Variants in HCN1 observed in about 807,000 individuals in gnomAD.
HCN1 encodes the protein hyperpolarization activated cyclic nucleotide gated potassium channel 1.
Under a neutral mutation model 78.9 loss-of-function variants are expected in HCN1, and 13 were observed. The observed-to-expected ratio is 0.16, with a 90% CI of 0.11 to 0.26. The LOEUF is 0.26. Ranked by LOEUF, HCN1 falls within the 10% of genes least tolerant of loss-of-function variation. HCN1 has a pLI of 1.00. For synonymous variants in HCN1, 552 were observed against 455.5 expected, an observed-to-expected ratio of 1.21 and a Z score of -2.70; for missense variants, 810 against 1,154.3, an observed-to-expected ratio of 0.70 and a Z score of 4.32.
chr5:45,277,187 G>A (rs1205888625), intron 6 of HCN1, among the ~76,000 whole-genome samples: 1 of 152,056 alleles, frequency 6.6e-6, no homozygotes, highest in African/African-American at 2.4e-5. Context: ...GGGAAAGATA[G>A]TTAGCCTCTC....
chr5:45,354,738 T>G (rs1015774090), intron 4 of HCN1, among the ~76,000 whole-genome samples: 8 of 152,026 alleles, frequency 5.3e-5, no homozygotes, highest in African/African-American at 1.7e-4. Flanking sequence ...TCAAACTATT[T>G]AAAGCCTGAA....
At chr5:45,519,529 T>G (rs2111775183) in intron 2 of HCN1, among the ~76,000 whole-genome samples, 1 of 152,164 alleles carries the variant, frequency 6.6e-6, no homozygotes, top group African/African-American at 2.4e-5. Context: ...TTTCTCAAAA[T>G]GACAAGCAGT....
At chr5:45,475,411 C>T (rs1384402271) in intron 2 of HCN1, among the ~76,000 whole-genome samples, 1 of 151,958 alleles carries the variant, frequency 6.6e-6, no homozygotes, top group African/African-American at 2.4e-5. Context: ...TTGGATCTGA[C>T]AACATAAAAC....
chr5:45,347,998 T>G (rs1746786694), intron 5 of HCN1, among the ~76,000 whole-genome samples: 1 of 152,186 alleles, frequency 6.6e-6, no homozygotes, highest in East Asian at 1.9e-4. Context: ...ACATTCAGAT[T>G]CAGGAAATAC....
rs1744586404 is a variant in HCN1 at position 45,255,364 on chromosome 5, C to T, written c.*6557G>A. On this transcript the variant is annotated 3_prime_UTR_variant, in exon 8 of 8. Coordinates refer to ENST00000303230, the MANE Select transcript of HCN1 (RefSeq NM_021072.4). ...AAAAAGCCCTTAAAATTTACCTCCT[C>T]TAGGACTTACTAGTTCCAATTTTTT... 1 of 152,204 alleles carries T rather than the reference C, an allele frequency of 6.6e-6. No homozygotes were observed. Among genetic ancestry groups the T allele is most frequent in the African/African-American group, 2.4e-5 (1 of 41,454 alleles). The allele number at this position is 152,204 out of a possible 1,614,324, so 9.4% of individuals were successfully genotyped here.
At chr5:45,345,916 TAAAG>T (rs968551030) in intron 5 of HCN1, among the ~76,000 whole-genome samples, 70 of 152,292 alleles carry the variant, frequency 4.6e-4, no homozygotes, top group African/African-American at 1.7e-3. Context: ...ATGCTGCTAA[TAAAG>T]ACATACTCGA....
Position 45,660,106 on chromosome 5 carries a change from C to T in HCN1, c.426-14498G>A, listed in dbSNP as rs1320174958. Among the ~76,000 whole-genome samples the T allele has an allele frequency of 3.2e-4, 38 of 119,508 alleles. 1 individual carries two copies. Among genetic ancestry groups the T allele is most frequent in the Non-Finnish European group, 3.4e-4 (20 of 59,014 alleles). The allele number at this position is 119,508 out of a possible 152,430, so 78.4% of individuals were successfully genotyped here. On this transcript the variant is annotated intron_variant, in intron 1 of 7. Coordinates refer to ENST00000303230, the MANE Select transcript of HCN1 (RefSeq NM_021072.4). ...CCCATCAGACTAACAGCGGATCTCT[C>T]GGCAGAAACCCTACAAGCCAGAAGA...
At chr5:45,372,127 T>TAC (rs1747397963) in intron 4 of HCN1, among the ~76,000 whole-genome samples, 1 of 55,824 alleles carries the variant, frequency 1.8e-5, no homozygotes, top group South Asian at 5.6e-4. Context: ...ATATATTATA[T>TAC]ATATAATATA....
chr5:45,380,297 T>C (rs1330836003), intron 4 of HCN1, among the ~76,000 whole-genome samples: 1 of 152,036 alleles, frequency 6.6e-6, no homozygotes, highest in Admixed American at 6.6e-5. Flanking sequence ...TTAATGCCAT[T>C]TACAAGAGCT....
chr5:45,558,980 C>G (rs1170910920), intron 2 of HCN1: 1 of 141,668 alleles, frequency 7.1e-6, no homozygotes, highest in Non-Finnish European at 1.5e-5. Flanking sequence ...AGGCTGGTCT[C>G]AAACTCCTGG....
intron 5 of HCN1, among the ~76,000 whole-genome samples, chr5:45,307,818 C>G (rs1165320071): frequency 6.6e-6 from 1 of 152,016 alleles, no homozygotes; most frequent in Non-Finnish European, 1.5e-5. Flanking sequence ...AATAATGTAT[C>G]AATATTGAGT....
rs1303320218 is a variant in HCN1, at chr5:45,638,141, GAGA to G, written c.849+7041_849+7043del. ...TATTTCTTAGAAATTAAAAGAGAAG[GAGA>G]AGAACACTTTTTAGATTTCTGACTT... On this transcript the variant is annotated intron_variant, in intron 2 of 7. Transcript: ENST00000303230. Among the ~76,000 whole-genome samples the G allele has an allele frequency of 1.1e-4, 17 of 152,120 alleles. No individual in the cohort carries two copies. In the East Asian group the frequency reaches 1.9e-3, roughly 17 times the overall value.
intron 2 of HCN1, among the ~76,000 whole-genome samples, chr5:45,468,554 C>T (rs1340041906): frequency 6.6e-6 from 1 of 151,980 alleles, no homozygotes; most frequent in Non-Finnish European, 1.5e-5. Flanking sequence ...TTATTTGCTG[C>T]TATGTGATAT....
chr5:45,556,955 C>A (rs566235702), intron 2 of HCN1, among the ~76,000 whole-genome samples: 11 of 152,102 alleles, frequency 7.2e-5, no homozygotes, highest in African/African-American at 2.6e-4. Context: ...ATCTCTCAAG[C>A]TTTCCTTCTA....
chr5:45,315,740 C>T (rs750988404), intron 5 of HCN1, among the ~76,000 whole-genome samples: 14 of 152,002 alleles, frequency 9.2e-5, no homozygotes, highest in South Asian at 6.2e-4. Flanking sequence ...ATATCACCAC[C>T]GATCCCACAG....
intron 2 of HCN1, among the ~76,000 whole-genome samples, chr5:45,571,364 CAG>C (rs1287361995): frequency 1.3e-5 from 2 of 152,112 alleles, no homozygotes; most frequent in Non-Finnish European, 2.9e-5. Flanking sequence ...AAAAGAGAAT[CAG>C]AGAACACGCT....
intron 2 of HCN1, among the ~76,000 whole-genome samples, chr5:45,489,826 A>G (rs1741843761): frequency 6.6e-6 from 1 of 152,214 alleles, no homozygotes; most frequent in Non-Finnish European, 1.5e-5. Context: ...GATATAGGCT[A>G]CCATAGTGGG....
intron 3 of HCN1, among the ~76,000 whole-genome samples, chr5:45,452,991 G>T (rs1217126624): frequency 6.6e-6 from 1 of 151,966 alleles, no homozygotes; most frequent in Non-Finnish European, 1.5e-5. Flanking sequence ...CTCTAGAGTA[G>T]CATAATTAGA....
intron 2 of HCN1, among the ~76,000 whole-genome samples, chr5:45,633,421 C>A (rs1200559325): frequency 6.6e-6 from 1 of 151,876 alleles, no homozygotes; most frequent in Admixed American, 6.6e-5. Context: ...CATCACTATT[C>A]CCCACTCCTG....
Sources: gnomAD v4.1 joint callset for allele counts (sites outside exome capture counted in the v4.1 genomes callset) on GRCh38, gnomAD v4.1.1 for gene constraint, MANE v1.5 for transcripts, NCBI Gene and HGNC (gene_info 2026-07-23, HGNC 2026-07-21) for gene names.